The following PDE4D variants were observed in gnomAD, a reference collection of about 807,000 sequenced individuals.
PDE4D encodes the protein 3',5'-cyclic-AMP phosphodiesterase 4D.
PDE4D carries 24 observed loss-of-function variants against 87.4 expected under a neutral mutation model. The observed-to-expected ratio is 0.27, with a 90% CI of 0.20 to 0.39. The LOEUF is 0.39. Ranked by LOEUF, PDE4D falls within the 10% of genes least tolerant of loss-of-function variation. PDE4D has a pLI of 1.00. For missense variants in PDE4D, 714 were observed against 1,041.0 expected (o/e 0.69, Z 4.32); for synonymous variants, 384 against 383.2 (o/e 1.00, Z -0.02).
intron 1 of PDE4D, among the ~76,000 whole-genome samples, chr5:59,529,979 A>G (rs1394406858): frequency 6.6e-6 from 1 of 152,174 alleles, no homozygotes; most frequent in East Asian, 1.9e-4. Context: ...CACATTGAAA[A>G]CACATATGAA....
At chr5:59,626,593 C>A (rs1830929641) in intron 1 of PDE4D, among the ~76,000 whole-genome samples, 1 of 152,056 alleles carries the variant, frequency 6.6e-6, no homozygotes, top group South Asian at 2.1e-4. Context: ...CCCATCTCTA[C>A]AAATTTGTTT....
intron 2 of PDE4D, among the ~76,000 whole-genome samples, chr5:60,034,993 C>T (rs1189215707): frequency 1.3e-5 from 2 of 152,172 alleles, no homozygotes; most frequent in Non-Finnish European, 2.9e-5. Flanking sequence ...CGGTGGCTCA[C>T]ACCTGTAATC....
chr5:60,304,015 C>A (rs944987663), intron 1 of PDE4D: 2 of 152,182 alleles, frequency 1.3e-5, no homozygotes, highest in Non-Finnish European at 2.9e-5. Flanking sequence ...GTTATCTCTT[C>A]TTGTTGAATC....
At chr5:60,295,663 A>G (rs1051765115) in intron 1 of PDE4D, among the ~76,000 whole-genome samples, 1 of 152,128 alleles carries the variant, frequency 6.6e-6, no homozygotes. Context: ...CCTATGGTCA[A>G]AGTTGCCCCC....
At chr5:59,883,401 G>T (rs550075960) in intron 1 of PDE4D, among the ~76,000 whole-genome samples, 1 of 152,218 alleles carries the variant, frequency 6.6e-6, no homozygotes, top group East Asian at 1.9e-4. Context: ...TTTTAATGGT[G>T]CACACTTAGT....
intron 1 of PDE4D, among the ~76,000 whole-genome samples, chr5:59,262,761 A>G (rs768400854): frequency 2.5e-4 from 38 of 151,894 alleles, no homozygotes; most frequent in Non-Finnish European, 8.8e-5. Context: ...TCTTGGCTTC[A>G]TATAAAAATC....
intron 6 of PDE4D, chr5:58,999,715 C>A: frequency 9.4e-7 from 1 of 1,067,752 alleles, no homozygotes; most frequent in Non-Finnish European, 1.1e-6. Flanking sequence ...CCCATCCAGC[C>A]GTCTTCCCAT....
At chr5:60,079,539 A>G (rs1018022041) in intron 2 of PDE4D, among the ~76,000 whole-genome samples, 1 of 152,020 alleles carries the variant, frequency 6.6e-6, no homozygotes, top group Non-Finnish European at 1.5e-5. Flanking sequence ...ATCCATCTTG[A>G]GTTAAATTTT....
At chr5:60,070,488 G>A (rs745361695) in intron 2 of PDE4D, among the ~76,000 whole-genome samples, 6 of 151,900 alleles carry the variant, frequency 3.9e-5, no homozygotes, top group Non-Finnish European at 8.8e-5. Context: ...TGTTAATGTG[G>A]AATTTCACGT....
At chr5:59,501,907 A>C (rs1808353059) in intron 1 of PDE4D, among the ~76,000 whole-genome samples, 1 of 152,130 alleles carries the variant, frequency 6.6e-6, no homozygotes. Context: ...ATGAAGATAA[A>C]ACCTGAAGAT....
chr5:59,882,233 T>C (rs1485047127), intron 1 of PDE4D, among the ~76,000 whole-genome samples: 1 of 152,202 alleles, frequency 6.6e-6, no homozygotes, highest in Non-Finnish European at 1.5e-5. Flanking sequence ...GTGTCTGTAG[T>C]AGCAGCTGCC....
chr5:59,781,284 T>C (rs545452924), intron 1 of PDE4D, among the ~76,000 whole-genome samples: 1 of 152,042 alleles, frequency 6.6e-6, no homozygotes, highest in South Asian at 2.1e-4. Flanking sequence ...GTAGGAACTA[T>C]GTCTTACTTA....
chr5:60,399,400 G>A (rs921198472), intron 1 of PDE4D, among the ~76,000 whole-genome samples: 21 of 152,200 alleles, frequency 1.4e-4, no homozygotes, highest in African/African-American at 4.8e-4. Flanking sequence ...ATTATGTATT[G>A]TCAGACTGTG....
intron 1 of PDE4D, among the ~76,000 whole-genome samples, chr5:59,277,580 C>T (rs1417163639): frequency 6.6e-6 from 1 of 152,114 alleles, no homozygotes; most frequent in African/African-American, 2.4e-5. Context: ...TAGGCAACTA[C>T]TATTTATTTG....
At chr5:59,109,962 G>A (rs931577325) in intron 5 of PDE4D, among the ~76,000 whole-genome samples, 7 of 152,110 alleles carry the variant, frequency 4.6e-5, no homozygotes, top group Non-Finnish European at 7.3e-5. Context: ...GAGAGGGAGC[G>A]CCTGTATGAG....
intron 1 of PDE4D, among the ~76,000 whole-genome samples, chr5:59,753,747 A>G (rs1205000695): frequency 6.6e-6 from 1 of 152,240 alleles, no homozygotes; most frequent in Admixed American, 6.5e-5. Context: ...ATCAACAAAG[A>G]GGGATGAGCA....
At chr5:59,944,479 T>A (rs2152800546) in intron 3 of PDE4D, among the ~76,000 whole-genome samples, 1 of 152,268 alleles carries the variant, frequency 6.6e-6, no homozygotes, top group South Asian at 2.1e-4. Context: ...TTGACGCCAT[T>A]CTCCTGCCTC....
chr5:59,157,732 A>G (rs552492889), intron 5 of PDE4D, among the ~76,000 whole-genome samples: 1 of 152,332 alleles, frequency 6.6e-6, no homozygotes, highest in Admixed American at 6.5e-5. Context: ...GACTTGGCTA[A>G]TACTTCTCCC....
At chr5:59,916,900 G>A (rs1754112507) in intron 3 of PDE4D, among the ~76,000 whole-genome samples, 1 of 147,546 alleles carries the variant, frequency 6.8e-6, no homozygotes, top group Non-Finnish European at 1.5e-5. Context: ...CAATTTTCCT[G>A]CCTCAGCCTC....
Sources: allele counts gnomAD v4.1 joint callset (sites outside exome capture counted in the v4.1 genomes callset), GRCh38; gene constraint gnomAD v4.1.1; transcripts MANE v1.5; gene names NCBI Gene and HGNC (gene_info 2026-07-23, HGNC 2026-07-21).